PIEZO2: variants seen among roughly 807,000 people sequenced by gnomAD.
The protein encoded by PIEZO2 is piezo-type mechanosensitive ion channel component 2.
In PIEZO2, 172 loss-of-function variants were observed where a neutral mutation model predicts 337.3. The ratio of observed to expected loss-of-function variants is 0.51; its 90% CI spans 0.45 to 0.58. The LOEUF (loss-of-function observed/expected upper bound fraction) is 0.58, where lower values mean the gene tolerates loss of function less well. PIEZO2 is among the 20% of genes least tolerant of loss of function. The pLI is 0.00. For missense variants in PIEZO2, 3,028 were observed against 3,391.3 expected, an observed-to-expected ratio of 0.89 and a Z score of 2.66; for synonymous variants, 1,251 against 1,228.5, an observed-to-expected ratio of 1.02 and a Z score of -0.38.
intron 32 of PIEZO2, among the ~76,000 whole-genome samples, chr18:10,741,742 T>G (rs2037225268): frequency 6.6e-6 from 1 of 152,180 alleles, no homozygotes; most frequent in Non-Finnish European, 1.5e-5. Context: ...GAATGATATT[T>G]TAGGTACCAA....
intron 31 of PIEZO2, among the ~76,000 whole-genome samples, 187 bp from the exon 32 acceptor site, chr18:10,742,802 G>GTGCC (rs931127198): frequency 2.2e-3 from 168 of 74,716 alleles, no homozygotes; most frequent in African/African-American, 0.022. Flanking sequence ...ACATATTTGT[G>GTGCC]TGTGTGTGTG....
rs775220499 is a variant in PIEZO2, at chr18:10,813,128, C to T, written c.918-5854G>A. ...CGGAGTATCTAGGATTACAGGCACG[C>T]GCCACCACGCTCAGCTAAGTTTTTG... On this transcript the variant is annotated intron_variant, in intron 7 of 55. Transcript: ENST00000674853. This position sits in a 1 kb window ranked among gnomAD's most constrained non-coding sequence, Gnocchi z 4.2. Among the ~76,000 whole-genome samples the T allele has an allele frequency of 3.3e-5, 5 of 151,956 alleles. No individual in the cohort carries two copies. The highest frequency in any genetic ancestry group is 5.9e-5 in the Non-Finnish European group (4 of 68,008).
At chr18:10,977,479 A>G (rs1335102737) in intron 3 of PIEZO2, among the ~76,000 whole-genome samples, 1 of 152,154 alleles carries the variant, frequency 6.6e-6, no homozygotes, top group Non-Finnish European at 1.5e-5. Flanking sequence ...ATTAAGAAAT[A>G]TCCAAATGAT....
chr18:11,084,442 G>C (rs544037843), intron 1 of PIEZO2, among the ~76,000 whole-genome samples: 27 of 152,218 alleles, frequency 1.8e-4, no homozygotes, highest in African/African-American at 6.3e-4. Flanking sequence ...GGAAGAAACA[G>C]GAGATAAGAG....
intron 2 of PIEZO2, among the ~76,000 whole-genome samples, chr18:10,994,164 G>A (rs1439052685): frequency 1.3e-5 from 2 of 152,176 alleles, no homozygotes; most frequent in East Asian, 1.9e-4. Flanking sequence ...TCCCATCCCA[G>A]TTGCAGTGAA....
intron 42 of PIEZO2, 112 bp from the exon 43 acceptor site, chr18:10,702,283 T>C (rs770116917): frequency 2.1e-5 from 21 of 1,016,324 alleles, no homozygotes; most frequent in Non-Finnish European, 2.8e-5. Context: ...TTTCACAGTT[T>C]TGATGGTAGG....
At position 10,744,182 on chromosome 18, in the gene PIEZO2, T is replaced by C; in HGVS notation, c.4474A>G (p.Ile1492Val). ...TCCATGGACTTCTTCTCTTCCTCAA[T>C]TCTTGCCTTTACAGCTTTTACAATT... ...ATIVKAVKARIEEEKKSMDQL... is the reference protein window; with the variant it reads ...ATIVKAVKARVEEEKKSMDQL... Residue 1492 changes from isoleucine to valine, a missense_variant, in exon 31 of 56, where the codon ATT becomes GTT. Around this residue, in one of 5 missense-constraint regions of PIEZO2, gnomAD observed 1,925 missense variants for 2,051.9 expected, o/e 0.94. Transcript: ENST00000674853. The C allele has an allele frequency of 1.3e-6, 2 of 1,537,042 alleles. No homozygotes were observed. The highest frequency in any genetic ancestry group is 1.7e-4 in the Middle Eastern group (1 of 5,984).
chr18:10,785,063 C>A (rs1443001924), intron 16 of PIEZO2, 106 bp from the exon 17 acceptor site: 2 of 1,238,998 alleles, frequency 1.6e-6, no homozygotes, highest in Non-Finnish European at 1.1e-6. Flanking sequence ...TCAGGTCTAT[C>A]GTTTATTGAA....
chr18:10,755,730 G>T (rs1336897663), intron 27 of PIEZO2, among the ~76,000 whole-genome samples: 1 of 151,910 alleles, frequency 6.6e-6, no homozygotes. Flanking sequence ...GGCCACAGGG[G>T]AGACACTGCT....
chr18:10,825,262 A>G (rs1404556524), intron 7 of PIEZO2, among the ~76,000 whole-genome samples: 1 of 152,076 alleles, frequency 6.6e-6, no homozygotes, highest in African/African-American at 2.4e-5. Context: ...GACTTCTTAG[A>G]TATTTCTTGT....
chr18:10,779,729 A>T (rs1271978032), intron 18 of PIEZO2, among the ~76,000 whole-genome samples: 1 of 152,130 alleles, frequency 6.6e-6, no homozygotes, highest in African/African-American at 2.4e-5. Context: ...ATCAAATATC[A>T]CTTCATGGGT....
chr18:11,053,268 C>T (rs1490342688), intron 2 of PIEZO2, among the ~76,000 whole-genome samples: 1 of 152,168 alleles, frequency 6.6e-6, no homozygotes, highest in Admixed American at 6.5e-5. Flanking sequence ...CCAGCTGTAT[C>T]TTGGAGTAGT....
At chr18:10,701,379 T>C (rs1228439182) in intron 43 of PIEZO2, among the ~76,000 whole-genome samples, 4 of 152,348 alleles carry the variant, frequency 2.6e-5, no homozygotes, top group South Asian at 4.1e-4. Flanking sequence ...AGGGCCATGC[T>C]GTATAAAGGC....
rs142939974 is a variant in PIEZO2 at position 11,102,285 on chromosome 18, C to T, written c.65-36063G>A. Among the ~76,000 whole-genome samples, 163 of 152,276 alleles carry T rather than the reference C, an allele frequency of 1.1e-3. No individual in the cohort carries two copies. Among genetic ancestry groups the T allele is most frequent in the Middle Eastern group, 3.4e-3 (1 of 294 alleles). On this transcript the variant is annotated intron_variant, in intron 1 of 55. Transcript: ENST00000674853. This position sits in a 1 kb window ranked among gnomAD's most constrained non-coding sequence, Gnocchi z 5.7. ...GTGAGCTTAATCTTCCCTTGCCCTGCGATAAAAACCTGGCACATCCCATGA... is the reference window on the plus strand; with the variant it reads ...GTGAGCTTAATCTTCCCTTGCCCTGTGATAAAAACCTGGCACATCCCATGA...
chr18:11,018,258 GAC>G (rs2036191399), intron 2 of PIEZO2, among the ~76,000 whole-genome samples: 2 of 149,828 alleles, frequency 1.3e-5, no homozygotes, highest in South Asian at 4.2e-4. Context: ...CTCTTCTTAA[GAC>G]ACAGGCATAT....
chr18:10,791,632 A>T (rs139151159), intron 13 of PIEZO2: 90 of 205,510 alleles, frequency 4.4e-4, no homozygotes, highest in African/African-American at 2.1e-3. Context: ...GTCTTCCTTG[A>T]GGTGCTGGTC....
At position 11,012,647 on chromosome 18, in the gene PIEZO2, C is replaced by A. The variant is rs377188035; in HGVS notation, c.161-32987G>T. Among the ~76,000 whole-genome samples, 16 of 152,254 alleles carry A rather than the reference C, an allele frequency of 1.1e-4. No individual in the cohort carries two copies. In the South Asian group the frequency reaches 2.5e-3, roughly 24 times the overall value. On this transcript the variant is annotated intron_variant, in intron 2 of 55. Transcript: ENST00000674853. Reference sequence around the variant, plus strand: ...AATAAAAGCATCTTTAAACCAGAAACTAGGCAGCCATCCTTCTCTATCTAC... The same window carrying A: ...AATAAAAGCATCTTTAAACCAGAAAATAGGCAGCCATCCTTCTCTATCTAC...
At chr18:10,831,937 A>T (rs1229578239) in intron 7 of PIEZO2, among the ~76,000 whole-genome samples, 1 of 152,174 alleles carries the variant, frequency 6.6e-6, no homozygotes, top group Non-Finnish European at 1.5e-5. Flanking sequence ...TTCTCAGGCT[A>T]CCATAGCTTG....
rs983868090 is a variant in PIEZO2, at chr18:10,862,996, T to C, written c.493-5785A>G. ...GAGCTTTTCATGCAGCTGAATCCAT[T>C]TTTTTCTCTTCTTCATGGTTAAAAC... is the stretch of plus-strand genomic sequence containing the variant. On this transcript the variant is annotated intron_variant, in intron 5 of 55. Transcript: ENST00000674853. This position sits in a 1 kb window ranked among gnomAD's most constrained non-coding sequence, Gnocchi z 4.4. Among the ~76,000 whole-genome samples, 6 of 152,340 alleles carry C rather than the reference T, an allele frequency of 3.9e-5. No individual in the cohort carries two copies. The highest frequency in any genetic ancestry group is 1.4e-4 in the African/African-American group (6 of 41,574).
Sources: allele counts gnomAD v4.1 joint callset (sites outside exome capture counted in the v4.1 genomes callset), GRCh38; gene constraint gnomAD v4.1.1; regional missense constraint gnomAD v4.1.1; non-coding constraint Gnocchi (gnomAD v3.1); transcripts MANE v1.5; gene names NCBI Gene and HGNC (gene_info 2026-07-23, HGNC 2026-07-21).